SAMD12: variants seen among roughly 807,000 people sequenced by gnomAD.
SAMD12 encodes sterile alpha motif domain-containing protein 12.
SAMD12 carries 9 observed loss-of-function variants against 15.0 expected under a neutral mutation model. The observed-to-expected ratio is 0.60, with a 90% CI of 0.36 to 1.05. The LOEUF (loss-of-function observed/expected upper bound fraction) is 1.05, where lower values mean the gene tolerates loss of function less well. SAMD12 is among the 50% of genes least tolerant of loss of function. The pLI, the probability that SAMD12 is intolerant of heterozygous loss-of-function variation, is 0.01. For missense variants in SAMD12, 230 were observed against 234.2 expected (o/e 0.98, Z 0.12); for synonymous variants, 86 against 90.1 (o/e 0.96, Z 0.25).
At chr8:118,168,427 T>A in the SAMD12 span, among the ~76,000 whole-genome samples, 1 of 152,228 alleles carries the variant, frequency 6.6e-6, no homozygotes, top group Non-Finnish European at 1.5e-5. Context: ...TTGGTTTCCC[T>A]ACATTCTGAC....
At chr8:118,143,085 C>CT in the SAMD12 span, among the ~76,000 whole-genome samples, 454 of 151,578 alleles carry the variant, frequency 3.0e-3, 3 homozygotes, top group African/African-American at 0.01. Context: ...TAAAACACAA[C>CT]TTTTTTTTTA....
intron 4 of SAMD12, among the ~76,000 whole-genome samples, chr8:118,366,160 C>T (rs1173130313): frequency 6.6e-6 from 1 of 152,156 alleles, no homozygotes; most frequent in Non-Finnish European, 1.5e-5. Flanking sequence ...GCTCTTAACA[C>T]TTTGGCAATT....
chr8:118,342,436 C>T (rs1269945952), intron 4 of SAMD12, among the ~76,000 whole-genome samples: 2 of 152,164 alleles, frequency 1.3e-5, no homozygotes, highest in Non-Finnish European at 2.9e-5. Context: ...GATCTTTCTA[C>T]ATAACTCTAT....
At chr8:118,216,992 G>A (rs991457674) in intron 4 of SAMD12, among the ~76,000 whole-genome samples, 1 of 152,056 alleles carries the variant, frequency 6.6e-6, no homozygotes, top group African/African-American at 2.4e-5. Context: ...GGCCCTTGTG[G>A]TGTCTTCATC....
At chr8:118,607,969 T>G (rs1219169920) in intron 1 of SAMD12, among the ~76,000 whole-genome samples, 1 of 152,340 alleles carries the variant, frequency 6.6e-6, no homozygotes. Flanking sequence ...CTACCTTTTA[T>G]AAAAGCTTCA....
chr8:118,314,900 T>C lies in SAMD12; in HGVS notation c.433+64660A>G, dbSNP rs1334666997. 2.6e-5 allele frequency among the ~76,000 whole-genome samples: 4 copies of C among 152,232 alleles called. No individual in the cohort carries two copies. The East Asian group carries it at 7.7e-4, about 29-fold the overall frequency. On this transcript the variant is annotated intron_variant, in intron 4 of 4. Coordinates refer to the SAMD12 transcript ENST00000409003. ...TATTATACAGGTTTTTGTATGAACATAGGTTTTTATTTTTTCTGGGACAAA... is the reference window on the plus strand; with the variant it reads ...TATTATACAGGTTTTTGTATGAACACAGGTTTTTATTTTTTCTGGGACAAA...
chr8:118,202,933 G>A (rs1819754144), intron 4 of SAMD12, among the ~76,000 whole-genome samples: 1 of 152,144 alleles, frequency 6.6e-6, no homozygotes, highest in Non-Finnish European at 1.5e-5. Context: ...TGCCTACAAA[G>A]GTTTTATAGG....
At chr8:118,494,585 C>G (rs1824548976) in intron 2 of SAMD12, among the ~76,000 whole-genome samples, 1 of 152,186 alleles carries the variant, frequency 6.6e-6, no homozygotes, top group Non-Finnish European at 1.5e-5. Context: ...CATCGTGCCT[C>G]TGTACATAGC....
At chr8:118,230,317 G>A (rs1010497782) in intron 4 of SAMD12, among the ~76,000 whole-genome samples, 6 of 152,290 alleles carry the variant, frequency 3.9e-5, no homozygotes, top group East Asian at 3.9e-4. Context: ...ATCAGATATT[G>A]AAGCGGGATT....
At chr8:118,183,388 T>C in the SAMD12 span, among the ~76,000 whole-genome samples, 1 of 152,246 alleles carries the variant, frequency 6.6e-6, no homozygotes, top group East Asian at 1.9e-4. Context: ...GGTTTGTGCA[T>C]TGGGTACATT....
At chr8:118,214,110 A>G (rs1811901266) in intron 4 of SAMD12, among the ~76,000 whole-genome samples, 1 of 152,194 alleles carries the variant, frequency 6.6e-6, no homozygotes, top group South Asian at 2.1e-4. Flanking sequence ...AAGAAATAAT[A>G]TCATAGTGGA....
At chr8:118,459,159 C>T (rs565229457) in intron 2 of SAMD12, among the ~76,000 whole-genome samples, 7 of 151,966 alleles carry the variant, frequency 4.6e-5, no homozygotes, top group African/African-American at 7.3e-5. Flanking sequence ...TCCGCCTCCC[C>T]GGTTCAAGTG....
At chr8:118,427,807 C>T (rs951193186) in intron 3 of SAMD12, among the ~76,000 whole-genome samples, 2 of 152,136 alleles carry the variant, frequency 1.3e-5, no homozygotes, top group Non-Finnish European at 2.9e-5. Flanking sequence ...AGTGGAACTG[C>T]AGAATCATCT....
chr8:118,602,323 C>T (rs1045236439), intron 1 of SAMD12, among the ~76,000 whole-genome samples: 2 of 152,148 alleles, frequency 1.3e-5, no homozygotes, highest in African/African-American at 4.8e-5. Context: ...ATTCAGAAAG[C>T]CCAATGCTGT....
In SAMD12 at chr8:118,369,414, G is replaced by A. The variant is rs1353946807; in HGVS notation, c.433+10146C>T. 5.3e-5 allele frequency among the ~76,000 whole-genome samples: 8 copies of A among 152,008 alleles called. No individual in the cohort carries two copies. The East Asian group carries it at 1.4e-3, about 26-fold the overall frequency. On this transcript the variant is annotated intron_variant, in intron 4 of 4. Coordinates refer to the SAMD12 transcript ENST00000409003. The stretch of plus-strand genomic sequence containing the variant: ...CTTTATACAAAAATTAACTCAGGAT[G>A]GATTAAAAACTTGAACGTAGGCCAG...
At chr8:118,274,248 G>C (rs1317169915) in intron 4 of SAMD12, among the ~76,000 whole-genome samples, 1 of 152,040 alleles carries the variant, frequency 6.6e-6, no homozygotes, top group Non-Finnish European at 1.5e-5. Context: ...TAAAATAGGA[G>C]AATTTGGTCA....
At chr8:118,440,600 A>T (rs943317345) in intron 2 of SAMD12, among the ~76,000 whole-genome samples, 1 of 126,308 alleles carries the variant, frequency 7.9e-6, no homozygotes, top group African/African-American at 2.5e-5. Flanking sequence ...ACAGAAGCCA[A>T]CTAGTCAAGG....
chr8:118,288,925 A>G (rs1814207492), intron 4 of SAMD12, among the ~76,000 whole-genome samples: 1 of 152,228 alleles, frequency 6.6e-6, no homozygotes, highest in Non-Finnish European at 1.5e-5. Flanking sequence ...TGCTAGAAAA[A>G]TGAAAAATAA....
At chr8:118,496,697 C>T (rs1361007399) in intron 2 of SAMD12, among the ~76,000 whole-genome samples, 1 of 151,940 alleles carries the variant, frequency 6.6e-6, no homozygotes. Context: ...AAAGCAATTG[C>T]AACAAAAACA....
Sources: allele counts gnomAD v4.1 joint callset (sites outside exome capture counted in the v4.1 genomes callset), GRCh38; gene constraint gnomAD v4.1.1; transcripts MANE v1.5; gene names NCBI Gene and HGNC (gene_info 2026-07-23, HGNC 2026-07-21).